The following CHST9 variants were observed in gnomAD, a reference collection of about 807,000 sequenced individuals.
CHST9 encodes the protein carbohydrate sulfotransferase 9, also known as GalNAc-4-sulfotransferase 2.
CHST9 carries 41 observed loss-of-function variants against 44.4 expected under a neutral mutation model. The ratio of observed to expected loss-of-function variants is 0.92; its 90% CI spans 0.72 to 1.20. The LOEUF is 1.20. Among genes scored for constraint, CHST9 ranks in the 50% most tolerant of loss-of-function variants. CHST9 has a pLI of 0.00. For synonymous variants in CHST9, 171 were observed against 178.4 expected (o/e 0.96, Z 0.33); for missense variants, 504 against 516.5 (o/e 0.98, Z 0.23).
intron 5 of CHST9, among the ~76,000 whole-genome samples, chr18:26,926,966 A>G (rs2055779243): frequency 6.6e-6 from 1 of 152,182 alleles, no homozygotes; most frequent in Admixed American, 6.5e-5. Flanking sequence ...TGGCTCTTTA[A>G]TATTTCCGTG....
intron 2 of CHST9, among the ~76,000 whole-genome samples, chr18:27,089,081 C>G (rs1042844791): frequency 6.6e-6 from 1 of 152,166 alleles, no homozygotes; most frequent in African/African-American, 2.4e-5. Flanking sequence ...AACTTAGAAC[C>G]AATATTCCAT....
At chr18:27,099,402 T>C (rs1268087030) in intron 2 of CHST9, among the ~76,000 whole-genome samples, 2 of 151,792 alleles carry the variant, frequency 1.3e-5, no homozygotes, top group Non-Finnish European at 2.9e-5. Flanking sequence ...AAATAGACAA[T>C]CTACAGAACA....
intron 2 of CHST9, among the ~76,000 whole-genome samples, chr18:27,060,746 C>T (rs1275828484): frequency 6.6e-6 from 1 of 152,184 alleles, no homozygotes; most frequent in East Asian, 1.9e-4. Flanking sequence ...TCGTGGTCCC[C>T]ATCTCCCTTA....
At chr18:27,099,771 C>T (rs562538139) in intron 2 of CHST9, among the ~76,000 whole-genome samples, 3 of 152,080 alleles carry the variant, frequency 2.0e-5, no homozygotes, top group South Asian at 2.1e-4. Context: ...TATACACTGT[C>T]GGTGGGAAGG....
At chr18:26,935,318 A>C (rs2055968374) in intron 5 of CHST9, 1 of 152,204 alleles carries the variant, frequency 6.6e-6, no homozygotes, top group African/African-American at 2.4e-5. Context: ...AGAGTCATTT[A>C]GTCTCAAGTA....
intron 4 of CHST9, among the ~76,000 whole-genome samples, chr18:26,999,138 C>T (rs2056920542): frequency 6.6e-6 from 1 of 152,086 alleles, no homozygotes; most frequent in African/African-American, 2.4e-5. Context: ...TAACAGATCA[C>T]AATAATGAGA....
At chr18:26,920,510 A>G (rs954225463) in intron 5 of CHST9, among the ~76,000 whole-genome samples, 3 of 149,918 alleles carry the variant, frequency 2.0e-5, no homozygotes, top group Non-Finnish European at 4.4e-5. Context: ...TTTTCACCCC[A>G]CTCTACCTCC....
chr18:27,041,807 G>A (rs2057448502), intron 3 of CHST9, among the ~76,000 whole-genome samples: 1 of 152,086 alleles, frequency 6.6e-6, no homozygotes, highest in Non-Finnish European at 1.5e-5. Flanking sequence ...TCGACTGGCT[G>A]GAAAATGAAA....
chr18:27,141,912 G>A (rs1341312873), intron 2 of CHST9, among the ~76,000 whole-genome samples: 1 of 152,004 alleles, frequency 6.6e-6, no homozygotes, highest in Non-Finnish European at 1.5e-5. Flanking sequence ...GATATTCTAA[G>A]TTTTTTACTT....
At chr18:26,932,526 T>C (rs1410431243) in intron 5 of CHST9, among the ~76,000 whole-genome samples, 1 of 151,844 alleles carries the variant, frequency 6.6e-6, no homozygotes, top group Non-Finnish European at 1.5e-5. Flanking sequence ...CTTGTGGAGC[T>C]GTGTGTGTTA....
At position 26,912,555 on chromosome 18, in the gene CHST9, C is replaced by T. The variant is rs537401119; in HGVS notation, c.*3704G>A. 1 of 152,300 alleles carries T rather than the reference C, an allele frequency of 6.6e-6. No individual in the cohort carries two copies. Among genetic ancestry groups the T allele is most frequent in the African/African-American group, 2.4e-5 (1 of 41,558 alleles). The allele number at this position is 152,300 out of a possible 1,614,324, so 9.4% of individuals were successfully genotyped here. A position where few individuals can be genotyped will look rare whatever the true frequency, so the allele number is the denominator to read the frequency against. On this transcript the variant is annotated 3_prime_UTR_variant, in exon 6 of 6. Coordinates refer to ENST00000618847, the MANE Select transcript of CHST9 (RefSeq NM_031422.6). The stretch of plus-strand genomic sequence containing the variant: ...GCAAAGAGTTTGGTAGTGGTATTTG[C>T]TGCTTGGCTTCATCCTGGCTTCTGA...
intron 3 of CHST9, among the ~76,000 whole-genome samples, chr18:27,029,107 G>A (rs1248345612): frequency 1.3e-5 from 2 of 152,098 alleles, no homozygotes; most frequent in African/African-American, 4.8e-5. Context: ...TGGGTGTGCT[G>A]CTGCAGACCA....
intron 2 of CHST9, among the ~76,000 whole-genome samples, chr18:27,099,399 C>G (rs1043865345): frequency 6.6e-6 from 1 of 152,016 alleles, no homozygotes; most frequent in African/African-American, 2.4e-5. Flanking sequence ...AGTAAATAGA[C>G]AATCTACAGA....
At chr18:27,025,956 G>A (rs2057280736) in intron 3 of CHST9, among the ~76,000 whole-genome samples, 1 of 152,118 alleles carries the variant, frequency 6.6e-6, no homozygotes, top group South Asian at 2.1e-4. Flanking sequence ...GGAAAAACTG[G>A]TTATTCAAAA....
At position 27,028,932 on chromosome 18, in the gene CHST9, G is replaced by T. The variant is rs527848327; in HGVS notation, c.161-4775C>A. 3.9e-5 allele frequency among the ~76,000 whole-genome samples: 6 copies of T among 152,274 alleles called. No homozygotes were observed. In the East Asian group the frequency reaches 1.2e-3, roughly 29 times the overall value. ...ATTACTTTGATAAAATTATTAAAAC[G>T]TTTAAAATGGAAGGACAAGGAGGAA... On this transcript the variant is annotated intron_variant, in intron 3 of 5. Coordinates refer to ENST00000618847, the MANE Select transcript of CHST9 (RefSeq NM_031422.6).
chr18:27,017,595 G>T (rs2057169957), intron 4 of CHST9, among the ~76,000 whole-genome samples: 1 of 152,180 alleles, frequency 6.6e-6, no homozygotes, highest in African/African-American at 2.4e-5. Context: ...GGGAGGTAGA[G>T]AGAAGGTAGA....
chr18:27,160,492 T>C (rs1471507828), intron 1 of CHST9, among the ~76,000 whole-genome samples: 8 of 152,238 alleles, frequency 5.3e-5, no homozygotes, highest in African/African-American at 1.7e-4. Flanking sequence ...CTTCTTGATG[T>C]TCTGCTGGAT....
intron 4 of CHST9, among the ~76,000 whole-genome samples, chr18:26,945,732 G>A (rs1341924464): frequency 2.0e-5 from 3 of 152,096 alleles, no homozygotes; most frequent in Non-Finnish European, 4.4e-5. Context: ...AAACATTTTT[G>A]TACAGGTTAT....
intron 5 of CHST9, chr18:26,924,880 C>A (rs1156877981): frequency 6.6e-6 from 1 of 152,258 alleles, no homozygotes; most frequent in Non-Finnish European, 1.5e-5. Flanking sequence ...GTGCCATCTG[C>A]CCCATCTCGC....
Sources: gnomAD v4.1 joint callset for allele counts (sites outside exome capture counted in the v4.1 genomes callset) on GRCh38, gnomAD v4.1.1 for gene constraint, MANE v1.5 for transcripts, NCBI Gene and HGNC (gene_info 2026-07-23, HGNC 2026-07-21) for gene names.